Variants in BRAF observed in about 807,000 individuals in gnomAD.
The protein encoded by BRAF is B-Raf proto-oncogene, serine/threonine kinase, also known as serine/threonine-protein kinase B-raf.
Under a neutral mutation model 104.6 loss-of-function variants are expected in BRAF, and 16 were observed. That is an observed-to-expected ratio of 0.15 (90% CI 0.10 to 0.23). The LOEUF (loss-of-function observed/expected upper bound fraction) is 0.23. BRAF is among the 10% of genes least tolerant of loss of function. BRAF has a pLI of 1.00. For synonymous variants in BRAF, 310 were observed against 341.6 expected, an observed-to-expected ratio of 0.91 and a Z score of 1.02; for missense variants, 541 against 937.3, an observed-to-expected ratio of 0.58 and a Z score of 5.52.
At chr7:140,839,212 C>T (rs1455285335) in intron 2 of BRAF, among the ~76,000 whole-genome samples, 2 of 152,070 alleles carry the variant, frequency 1.3e-5, no homozygotes, top group African/African-American at 2.4e-5. Context: ...TGTTGGCTCA[C>T]GCCTGCAATC....
intron 14 of BRAF, among the ~76,000 whole-genome samples, chr7:140,756,595 T>G (rs994866597): frequency 4.6e-5 from 7 of 152,050 alleles, no homozygotes; most frequent in Non-Finnish European, 8.8e-5. Context: ...CATAACTGTT[T>G]GGGAGTAGGG....
chr7:140,814,774 CATAT>C (rs531951692), intron 3 of BRAF, among the ~76,000 whole-genome samples: 3 of 135,138 alleles, frequency 2.2e-5, no homozygotes, highest in African/African-American at 9.0e-5. Flanking sequence ...TTATATATAA[CATAT>C]ATATTATATA....
At chr7:140,833,472 T>C (rs1279412008) in intron 3 of BRAF, among the ~76,000 whole-genome samples, 1 of 152,228 alleles carries the variant, frequency 6.6e-6, no homozygotes, top group Non-Finnish European at 1.5e-5. Flanking sequence ...AATTCATATG[T>C]TGATATTCCC....
intron 14 of BRAF, among the ~76,000 whole-genome samples, chr7:140,756,997 C>T (rs1251523213): frequency 1.3e-5 from 2 of 152,278 alleles, no homozygotes; most frequent in Non-Finnish European, 2.9e-5. Flanking sequence ...CTAACCAACA[C>T]AAACTATGGT....
intron 17 of BRAF, among the ~76,000 whole-genome samples, chr7:140,744,519 G>A (rs1046548787): frequency 2.0e-5 from 3 of 152,206 alleles, no homozygotes; most frequent in Non-Finnish European, 4.4e-5. Context: ...TGAGTTTTCA[G>A]CAAGTCCTTT....
chr7:140,847,275 C>T (rs543638421), intron 2 of BRAF, among the ~76,000 whole-genome samples: 1 of 152,110 alleles, frequency 6.6e-6, no homozygotes, highest in East Asian at 1.9e-4. Flanking sequence ...AGATTGTTGG[C>T]CATTTTTTAA....
downstream of BRAF, among the ~76,000 whole-genome samples, chr7:140,714,896 T>C (rs1271365808): frequency 6.6e-6 from 1 of 152,044 alleles, no homozygotes; most frequent in African/African-American, 2.4e-5. Context: ...GCGGAACAAG[T>C]AGGAGGAGCC....
At chr7:140,848,248 A>C (rs1364757169) in intron 2 of BRAF, among the ~76,000 whole-genome samples, 1 of 152,156 alleles carries the variant, frequency 6.6e-6, no homozygotes, top group East Asian at 1.9e-4. Flanking sequence ...AATAAGATAG[A>C]GATCAAGAAC....
At position 140,924,772 on chromosome 7, in the gene BRAF, G is replaced by T; in HGVS notation, c.-69C>A. On this transcript the variant is annotated 5_prime_UTR_variant, in exon 1 of 20. Coordinates refer to ENST00000644969, the MANE Select transcript of BRAF (RefSeq NM_001374258.1). This position sits in a 1 kb window ranked among gnomAD's most constrained non-coding sequence, Gnocchi z 4.2. Reference sequence around the variant, plus strand: ...GGAGGGGGAAGGGAGGCGGAGAGCTGGGGGAGGCGGAGGCGGAGGCGGAGG... The same window carrying T: ...GGAGGGGGAAGGGAGGCGGAGAGCTTGGGGAGGCGGAGGCGGAGGCGGAGG... 1.7e-6 allele frequency: 1 copy of T among 595,708 alleles called. No individual in the cohort carries two copies. The highest frequency in any genetic ancestry group is 3.5e-5 in the East Asian group (1 of 28,878). 36.9% of individuals were successfully genotyped at this position (595,708 alleles called of 1,614,324 possible). A position where few individuals can be genotyped will look rare whatever the true frequency, so the allele number is the denominator to read the frequency against.
At chr7:140,742,156 CTT>C (rs1478656444) in intron 17 of BRAF, among the ~76,000 whole-genome samples, 1 of 151,838 alleles carries the variant, frequency 6.6e-6, no homozygotes, top group Non-Finnish European at 1.5e-5. Context: ...TACAGGAAGA[CTT>C]TGCCAGAGGT....
At chr7:140,859,736 C>T (rs893090515) in intron 1 of BRAF, among the ~76,000 whole-genome samples, 7 of 144,152 alleles carry the variant, frequency 4.9e-5, no homozygotes, top group Admixed American at 1.4e-4. Flanking sequence ...TCACCAGGCT[C>T]GAGTGCAGTA....
chr7:140,889,411 AC>A (rs1206348375), intron 1 of BRAF, among the ~76,000 whole-genome samples: 14 of 152,200 alleles, frequency 9.2e-5, no homozygotes, highest in African/African-American at 3.1e-4. Flanking sequence ...ATTCATGCTA[AC>A]AAGTTCATAT....
intron 3 of BRAF, chr7:140,834,298 C>T (rs943247810): frequency 3.9e-6 from 2 of 515,096 alleles, no homozygotes; most frequent in Non-Finnish European, 6.9e-6. Context: ...ACCTGACACA[C>T]ATTAGATAAT....
rs866056007 is a variant in BRAF at position 140,924,780 on chromosome 7, C to A, written c.-77G>T. ...AAGGGAGGCGGAGAGCTGGGGGAGG[C>A]GGAGGCGGAGGCGGAGGCGGAGGAG... is the stretch of plus-strand genomic sequence containing the variant. On this transcript the variant is annotated 5_prime_UTR_variant, in exon 1 of 20. Coordinates refer to ENST00000644969, the MANE Select transcript of BRAF (RefSeq NM_001374258.1). The surrounding 1 kb of genome is among the most constrained non-coding windows in gnomAD (Gnocchi z 4.2). The A allele has an allele frequency of 8.5e-6, 4 of 471,494 alleles. No homozygotes were observed. The highest frequency in any genetic ancestry group is 1.5e-5 in the Non-Finnish European group (4 of 269,434). 29.2% of individuals were successfully genotyped at this position (471,494 alleles called of 1,614,324 possible). A position where few individuals can be genotyped will look rare whatever the true frequency, so the allele number is the denominator to read the frequency against.
At chr7:140,917,259 C>T (rs1451828763) in intron 1 of BRAF, among the ~76,000 whole-genome samples, 1 of 152,148 alleles carries the variant, frequency 6.6e-6, no homozygotes, top group Non-Finnish European at 1.5e-5. Context: ...GGGGGTTTCA[C>T]CATGTTGGCC....
intron 1 of BRAF, among the ~76,000 whole-genome samples, chr7:140,878,110 T>A (rs1439245183): frequency 7.9e-5 from 12 of 151,120 alleles, no homozygotes; most frequent in Non-Finnish European, 1.8e-4. Context: ...AGATACAAGG[T>A]CAAAAAAAGA....
chr7:140,909,421 A>G (rs1816718095), intron 1 of BRAF, among the ~76,000 whole-genome samples: 1 of 152,214 alleles, frequency 6.6e-6, no homozygotes, highest in African/African-American at 2.4e-5. Flanking sequence ...TCCGTCACAA[A>G]AATAAAAATA....
intron 1 of BRAF, among the ~76,000 whole-genome samples, chr7:140,863,169 A>G (rs1342099799): frequency 6.6e-6 from 1 of 152,216 alleles, no homozygotes; most frequent in East Asian, 1.9e-4. Flanking sequence ...AGATAAAACA[A>G]ATGATTCACC....
chr7:140,761,609 T>C (rs552919933), intron 14 of BRAF, among the ~76,000 whole-genome samples: 1 of 151,738 alleles, frequency 6.6e-6, no homozygotes, highest in South Asian at 2.1e-4. Context: ...GGATAAAGAG[T>C]CAAGACCCAT....
Sources: allele counts gnomAD v4.1 joint callset (sites outside exome capture counted in the v4.1 genomes callset), GRCh38; gene constraint gnomAD v4.1.1; non-coding constraint Gnocchi (gnomAD v3.1); transcripts MANE v1.5; gene names NCBI Gene and HGNC (gene_info 2026-07-23, HGNC 2026-07-21).